Variants in OPHN1 observed in about 807,000 individuals in gnomAD.
The protein encoded by OPHN1 is oligophrenin 1, also known as oligophrenin-1.
A neutral mutation model predicts 60.7 loss-of-function variants in OPHN1; 11 were observed. That is an observed-to-expected ratio of 0.18 (90% CI 0.11 to 0.30). OPHN1 has a LOEUF of 0.30. OPHN1 is among the 10% of genes least tolerant of loss of function. The probability of loss-of-function intolerance (pLI) is 1.00; values close to 1 mark genes in which losing one functional copy is unlikely to be tolerated. For missense variants in OPHN1, 449 were observed against 611.0 expected, an observed-to-expected ratio of 0.73 and a Z score of 2.80; for synonymous variants, 226 against 222.6, an observed-to-expected ratio of 1.02 and a Z score of -0.14.
intron 19 of OPHN1, among the ~76,000 whole-genome samples, chrX:68,075,471 T>C (rs1004199116): frequency 2.6e-4 from 29 of 111,986 alleles, no homozygotes; most frequent in African/African-American, 8.4e-4. Context: ...AGCTTGTATG[T>C]AGACATTGAC....
intron 2 of OPHN1, among the ~76,000 whole-genome samples, chrX:68,375,758 T>C (rs2078553636): frequency 9.1e-6 from 1 of 110,338 alleles, no homozygotes; most frequent in Non-Finnish European, 1.9e-5. Flanking sequence ...CTTCCTATGT[T>C]GCCCAGGGTG....
intron 15 of OPHN1, among the ~76,000 whole-genome samples, chrX:68,143,155 C>T (rs2077250312): frequency 9.0e-6 from 1 of 111,574 alleles, no homozygotes; most frequent in Non-Finnish European, 1.9e-5. Flanking sequence ...AGTCATGCCC[C>T]ATCTCTGACA....
At chrX:68,185,706 C>G (rs2077459404) in intron 15 of OPHN1, among the ~76,000 whole-genome samples, 1 of 110,018 alleles carries the variant, frequency 9.1e-6, no homozygotes, top group Non-Finnish European at 1.9e-5. Flanking sequence ...AGCAGTAGCC[C>G]TAAACACTAG....
intron 2 of OPHN1, among the ~76,000 whole-genome samples, chrX:68,377,644 T>C (rs1401324914): frequency 9.3e-6 from 1 of 108,012 alleles, no homozygotes; most frequent in South Asian, 4.2e-4. Context: ...TGTGTTCTCA[T>C]TGTTCAATTC....
chrX:68,058,886 C>G (rs2076883121), intron 21 of OPHN1, among the ~76,000 whole-genome samples: 1 of 112,081 alleles, frequency 8.9e-6, no homozygotes, highest in Admixed American at 9.5e-5. Flanking sequence ...CAACTGCTAT[C>G]ATTTACTGAG....
At chrX:68,197,744 G>A (rs2077518825) in intron 11 of OPHN1, among the ~76,000 whole-genome samples, 1 of 111,618 alleles carries the variant, frequency 9.0e-6, no homozygotes, top group Non-Finnish European at 1.9e-5. Context: ...TCAACAACAT[G>A]AGTACTGGCT....
intron 5 of OPHN1, among the ~76,000 whole-genome samples, chrX:68,260,829 G>GCACCCAT (rs2077889582): frequency 9.0e-6 from 1 of 111,355 alleles, no homozygotes; most frequent in African/African-American, 3.3e-5. Flanking sequence ...TCAATGGGTG[G>GCACCCAT]TTTGCTGATG....
chrX:68,293,666 A>T (rs1420948910), intron 3 of OPHN1, among the ~76,000 whole-genome samples: 1 of 112,007 alleles, frequency 8.9e-6, no homozygotes. Context: ...CACCTAATGG[A>T]TGCCATGCTC....
intron 2 of OPHN1, among the ~76,000 whole-genome samples, chrX:68,333,592 A>T (rs887261376): frequency 2.8e-4 from 31 of 110,622 alleles, no homozygotes; most frequent in African/African-American, 1.0e-3. Context: ...CTGAAATCGC[A>T]CTATTGCACT....
intron 4 of OPHN1, among the ~76,000 whole-genome samples, chrX:68,275,659 T>C (rs1459901746): frequency 9.0e-6 from 1 of 111,566 alleles, no homozygotes; most frequent in Non-Finnish European, 1.9e-5. Context: ...AAGACAAGTT[T>C]CCTTGTCATA....
chrX:68,287,914 C>T (rs2078052947), intron 3 of OPHN1, among the ~76,000 whole-genome samples: 1 of 111,845 alleles, frequency 8.9e-6, no homozygotes, highest in Admixed American at 9.5e-5. Flanking sequence ...CAACTATTCC[C>T]ACCGTGGTAA....
chrX:68,310,273 A>G (rs983073589), intron 2 of OPHN1, among the ~76,000 whole-genome samples: 1 of 111,802 alleles, frequency 8.9e-6, no homozygotes, highest in African/African-American at 3.3e-5. Context: ...GGCATATGAC[A>G]CTGTAGGAAT....
At chrX:68,203,934 T>C (rs2077546975) in intron 10 of OPHN1, among the ~76,000 whole-genome samples, 1 of 113,008 alleles carries the variant, frequency 8.8e-6, no homozygotes, top group Admixed American at 9.4e-5. Context: ...AAATGTCCTG[T>C]TTTTATGTTT....
At chrX:68,113,429 G>T (rs2077113371) in intron 16 of OPHN1, among the ~76,000 whole-genome samples, 190 bp from the exon 17 acceptor site, 1 of 111,769 alleles carries the variant, frequency 8.9e-6, no homozygotes, top group Admixed American at 9.5e-5. Context: ...ACCTGCAAAA[G>T]CATGGGCTGA....
chrX:68,136,305 T>TTG (rs2077219418), intron 15 of OPHN1, among the ~76,000 whole-genome samples: 1 of 86,592 alleles, frequency 1.2e-5, no homozygotes, highest in Admixed American at 1.3e-4. Flanking sequence ...TTTTTTTTTT[T>TTG]TTTTTTTTTT....
In OPHN1 at chrX:68,269,501, T is replaced by G. The variant is rs910104339; in HGVS notation, c.384+5237A>C. The stretch of plus-strand genomic sequence containing the variant: ...AAGAAATGGGGAAACGATTCCCTAT[T>G]TAATAAATGGTGCTGGGAAAACTGG... On this transcript the variant is annotated intron_variant, in intron 5 of 24. Transcript: ENST00000355520. Among the ~76,000 whole-genome samples the G allele has an allele frequency of 5.4e-5, 6 of 111,688 alleles. No individual in the cohort carries two copies. In the Admixed American group the frequency reaches 5.7e-4, roughly 11 times the overall value.
At chrX:68,343,662 A>T (rs2078365779) in intron 2 of OPHN1, among the ~76,000 whole-genome samples, 1 of 110,491 alleles carries the variant, frequency 9.1e-6, no homozygotes, top group Non-Finnish European at 1.9e-5. Context: ...AGAATACCTA[A>T]AAAGTCTCCT....
At chrX:68,108,666 G>A (rs1364943800) in intron 18 of OPHN1, among the ~76,000 whole-genome samples, 3 of 111,019 alleles carry the variant, frequency 2.7e-5, no homozygotes, top group African/African-American at 9.8e-5. Flanking sequence ...TGCTCTTCTT[G>A]TTTCTAGAGT....
intron 2 of OPHN1, among the ~76,000 whole-genome samples, chrX:68,330,388 C>T (rs1274694898): frequency 1.8e-5 from 2 of 111,364 alleles, no homozygotes; most frequent in Non-Finnish European, 3.8e-5. Context: ...ATGAGCACAG[C>T]GCTCGGCCAG....
Sources: gnomAD v4.1 joint callset for allele counts (sites outside exome capture counted in the v4.1 genomes callset) on GRCh38, gnomAD v4.1.1 for gene constraint, MANE v1.5 for transcripts, NCBI Gene and HGNC (gene_info 2026-07-23, HGNC 2026-07-21) for gene names.